Variants in GALNTL6 observed in about 807,000 individuals in gnomAD.
GALNTL6 encodes polypeptide N-acetylgalactosaminyltransferase like 6.
In GALNTL6, 46 loss-of-function variants were observed where a neutral mutation model predicts 73.7. The observed-to-expected ratio is 0.62, with a 90% CI of 0.49 to 0.80. The LOEUF (loss-of-function observed/expected upper bound fraction) is 0.80, where lower values mean the gene tolerates loss of function less well. Among genes scored for constraint, GALNTL6 ranks in the 30% least tolerant of loss-of-function variants. The probability of loss-of-function intolerance (pLI) is 0.00; values close to 1 mark genes in which losing one functional copy is unlikely to be tolerated. For synonymous variants in GALNTL6, 259 were observed against 263.7 expected (o/e 0.98, Z 0.17); for missense variants, 604 against 755.0 (o/e 0.80, Z 2.34).
intron 5 of GALNTL6, among the ~76,000 whole-genome samples, chr4:172,443,134 A>ATATG: frequency 9.2e-6 from 1 of 108,934 alleles, no homozygotes; most frequent in Non-Finnish European, 1.7e-5. Context: ...ATATATATAT[A>ATATG]TATATATATA....
chr4:172,816,362 A>C (rs372816706), intron 7 of GALNTL6, among the ~76,000 whole-genome samples: 61 of 152,216 alleles, frequency 4.0e-4, no homozygotes, highest in African/African-American at 1.4e-3. Context: ...CTATTATAGC[A>C]GTGATTATAG....
intron 2 of GALNTL6, among the ~76,000 whole-genome samples, chr4:171,975,458 G>T (rs918830725): frequency 6.6e-6 from 1 of 152,134 alleles, no homozygotes; most frequent in Non-Finnish European, 1.5e-5. Flanking sequence ...ACATACAAAG[G>T]TGAAGCTACT....
intron 2 of GALNTL6, 57 bp downstream of exon 2, chr4:171,814,775 C>CG: frequency 6.4e-7 from 1 of 1,573,844 alleles, no homozygotes; most frequent in Non-Finnish European, 8.7e-7. Context: ...GATCCTCGCG[C>CG]GGGGACTCGA....
At position 172,429,671 on chromosome 4, in the gene GALNTL6, A is replaced by G. The variant is rs773775244; in HGVS notation, c.553+80982A>G. Reference sequence around the variant, plus strand: ...TCAGGTATACTTGACACAGAATTTCATAATGTAACCTATGCTAAGATGTAG... The same window carrying G: ...TCAGGTATACTTGACACAGAATTTCGTAATGTAACCTATGCTAAGATGTAG... On this transcript the variant is annotated intron_variant, in intron 5 of 12. Coordinates refer to ENST00000506823, the MANE Select transcript of GALNTL6 (RefSeq NM_001034845.3). Among the ~76,000 whole-genome samples, 5 of 152,324 alleles carry G rather than the reference A, an allele frequency of 3.3e-5. No individual in the cohort carries two copies. The East Asian group carries it at 7.7e-4, about 23-fold the overall frequency.
chr4:171,820,058 C>G (rs1005089934), intron 2 of GALNTL6, among the ~76,000 whole-genome samples: 2 of 152,008 alleles, frequency 1.3e-5, no homozygotes, highest in Admixed American at 1.3e-4. Flanking sequence ...AAAATGTAGT[C>G]GTAATGCTTG....
chr4:172,655,847 T>G (rs990572564), intron 5 of GALNTL6, among the ~76,000 whole-genome samples: 2 of 152,174 alleles, frequency 1.3e-5, no homozygotes, highest in Non-Finnish European at 2.9e-5. Context: ...GGTTTCAAAT[T>G]TTATTAGTGA....
At chr4:171,841,613 A>G (rs1280004862) in intron 2 of GALNTL6, among the ~76,000 whole-genome samples, 2 of 152,110 alleles carry the variant, frequency 1.3e-5, no homozygotes, top group Non-Finnish European at 2.9e-5. Context: ...AGAAATACTA[A>G]TGAAACTAGC....
chr4:172,592,285 T>A (rs1737668749), intron 5 of GALNTL6, among the ~76,000 whole-genome samples: 1 of 152,094 alleles, frequency 6.6e-6, no homozygotes, highest in Admixed American at 6.6e-5. Context: ...ACTAATGTAT[T>A]CCCACAAGAA....
At chr4:172,337,398 G>A (rs1181799733) in intron 4 of GALNTL6, among the ~76,000 whole-genome samples, 3 of 152,176 alleles carry the variant, frequency 2.0e-5, no homozygotes, top group Admixed American at 1.3e-4. Context: ...ACTTAAGTGT[G>A]TGTTTGTGGT....
chr4:171,983,305 A>C (rs1331314618), intron 2 of GALNTL6, among the ~76,000 whole-genome samples: 1 of 152,126 alleles, frequency 6.6e-6, no homozygotes, highest in Non-Finnish European at 1.5e-5. Context: ...AAATATTCAC[A>C]TGGGGCTTCC....
intron 5 of GALNTL6, among the ~76,000 whole-genome samples, chr4:172,381,615 A>G (rs1561056903): frequency 6.6e-6 from 1 of 152,114 alleles, no homozygotes; most frequent in African/African-American, 2.4e-5. Flanking sequence ...ATTCCTTTTT[A>G]TGAGCTATAA....
chr4:172,405,871 C>T (rs1235808849), intron 5 of GALNTL6, among the ~76,000 whole-genome samples: 1 of 151,930 alleles, frequency 6.6e-6, no homozygotes, highest in East Asian at 1.9e-4. Context: ...GCTTCATAAA[C>T]TTTAGTAGGG....
chr4:172,232,362 A>G (rs985820187), intron 3 of GALNTL6, among the ~76,000 whole-genome samples: 9 of 151,898 alleles, frequency 5.9e-5, no homozygotes, highest in Non-Finnish European at 1.2e-4. Context: ...CTTTCACTCA[A>G]AAATATTTTT....
chr4:172,248,548 A>G (rs1737739202), intron 3 of GALNTL6, among the ~76,000 whole-genome samples: 1 of 152,176 alleles, frequency 6.6e-6, no homozygotes, highest in Non-Finnish European at 1.5e-5. Flanking sequence ...GGAAAGCAGC[A>G]GAACAGATTG....
chr4:172,983,453 G>C (rs544228802), intron 10 of GALNTL6, among the ~76,000 whole-genome samples: 48 of 152,340 alleles, frequency 3.2e-4, no homozygotes, highest in African/African-American at 1.2e-3. Flanking sequence ...CCAGCACTTT[G>C]GGAGGCCAAG....
At chr4:171,899,251 C>A (rs891355862) in intron 2 of GALNTL6, among the ~76,000 whole-genome samples, 1 of 151,950 alleles carries the variant, frequency 6.6e-6, no homozygotes. Context: ...GGCAAAGGCT[C>A]CCAAGGTGGT....
chr4:172,794,542 G>A (rs561968904), intron 5 of GALNTL6, among the ~76,000 whole-genome samples: 43 of 152,312 alleles, frequency 2.8e-4, no homozygotes, highest in African/African-American at 1.0e-3. Flanking sequence ...ATTCCCTGGA[G>A]AAGAGGGCCA....
At chr4:172,728,586 G>A (rs1163497290) in intron 5 of GALNTL6, among the ~76,000 whole-genome samples, 2 of 151,990 alleles carry the variant, frequency 1.3e-5, no homozygotes, top group Non-Finnish European at 2.9e-5. Flanking sequence ...CTACTGATGG[G>A]CACTTAGGTT....
At chr4:171,814,784 G>C (rs764314873) in intron 2 of GALNTL6, 66 bp downstream of exon 2, 8 of 1,534,620 alleles carry the variant, frequency 5.2e-6, no homozygotes, top group Non-Finnish European at 7.1e-6. Context: ...GCGGGGACTC[G>C]AGAAAGCCGG....
Sources: allele counts gnomAD v4.1 joint callset (sites outside exome capture counted in the v4.1 genomes callset), GRCh38; gene constraint gnomAD v4.1.1; transcripts MANE v1.5; gene names NCBI Gene and HGNC (gene_info 2026-07-23, HGNC 2026-07-21).